The following ITCH variants were observed in gnomAD, a reference collection of about 807,000 sequenced individuals.
The protein encoded by ITCH is itchy E3 ubiquitin protein ligase, also known as E3 ubiquitin-protein ligase Itchy homolog.
Under a neutral mutation model 126.8 loss-of-function variants are expected in ITCH, and 28 were observed. The ratio of observed to expected loss-of-function variants is 0.22; its 90% confidence interval spans 0.16 to 0.30. ITCH has a LOEUF of 0.30. Among genes scored for constraint, ITCH ranks in the 10% least tolerant of loss-of-function variants. The probability of loss-of-function intolerance (pLI) is 1.00; values close to 1 mark genes in which losing one functional copy is unlikely to be tolerated. For missense variants in ITCH, 631 were observed against 1,032.4 expected (o/e 0.61, Z 5.33); for synonymous variants, 342 against 340.0 (o/e 1.01, Z -0.06).
intron 14 of ITCH, among the ~76,000 whole-genome samples, chr20:34,466,959 A>G (rs1254066430): frequency 1.3e-5 from 2 of 152,194 alleles, no homozygotes; most frequent in African/African-American, 4.8e-5. Flanking sequence ...TGAAGTGGAA[A>G]AGAAACAATG....
intron 2 of ITCH, among the ~76,000 whole-genome samples, chr20:34,387,238 G>C (rs1369482374): frequency 6.6e-6 from 1 of 151,892 alleles, no homozygotes; most frequent in Non-Finnish European, 1.5e-5. Flanking sequence ...AGGAAGCAGA[G>C]GTTGCAGCGA....
intron 3 of ITCH, among the ~76,000 whole-genome samples, chr20:34,400,072 G>T (rs936671567): frequency 1.3e-5 from 2 of 151,988 alleles, no homozygotes; most frequent in Admixed American, 6.6e-5. Context: ...CTGAGTAGCT[G>T]GGATTACAGA....
At chr20:34,424,255 G>A (rs995590089) in intron 6 of ITCH, among the ~76,000 whole-genome samples, 9 of 152,092 alleles carry the variant, frequency 5.9e-5, no homozygotes, top group East Asian at 5.8e-4. Flanking sequence ...TTAACATCCC[G>A]TATCCATTAA....
chr20:34,385,783 T>C (rs2038261859), intron 2 of ITCH, among the ~76,000 whole-genome samples: 1 of 152,154 alleles, frequency 6.6e-6, no homozygotes, highest in East Asian at 1.9e-4. Context: ...CTGATGTATT[T>C]GGTTGGAAAG....
intron 17 of ITCH, among the ~76,000 whole-genome samples, chr20:34,478,154 A>G (rs1205505518): frequency 6.6e-6 from 1 of 152,238 alleles, no homozygotes; most frequent in Non-Finnish European, 1.5e-5. Flanking sequence ...CCTAAGGCAC[A>G]TAATAAATTG....
rs115723041 is a variant in ITCH at position 34,444,389 on chromosome 20, G to A, written c.966-898G>A. ...ACCTGAGGTCGGGAGTTCGAGGGCCGCCTGACCAACATGGAGAAACCCTGT... is the reference window on the plus strand; with the variant it reads ...ACCTGAGGTCGGGAGTTCGAGGGCCACCTGACCAACATGGAGAAACCCTGT... On this transcript the variant is annotated intron_variant, in intron 10 of 24. Transcript: ENST00000374864. 7.2e-3 allele frequency among the ~76,000 whole-genome samples: 1,097 copies of A among 152,214 alleles called. 14 individuals carry two copies. The highest frequency in any genetic ancestry group is 0.025 in the African/African-American group (1,039 of 41,516).
chr20:34,457,548 A>C, intron 13 of ITCH, 74 bp downstream of exon 13: 3 of 1,045,222 alleles, frequency 2.9e-6, no homozygotes, highest in South Asian at 1.3e-5. Context: ...AGAAGATCAA[A>C]GTTCATATTC....
At position 34,479,836 on chromosome 20, in the gene ITCH, C is replaced by G. The variant is rs771933881; in HGVS notation, c.1818+47C>G. 11 of 1,539,984 alleles carry G rather than the reference C, an allele frequency of 7.1e-6. No individual in the cohort carries two copies. The South Asian group carries it at 1.2e-4, about 17-fold the overall frequency. On this transcript the variant is annotated intron_variant, in intron 18 of 24. Transcript: ENST00000374864. ...TGTTTACTTTGCTTATTCAGCAATA[C>G]TAAATTTTCTCTTAGGTGCCATAAC... is the stretch of plus-strand genomic sequence containing the variant.
At chr20:34,462,322 T>G (rs1969977132) in intron 14 of ITCH, 101 bp downstream of exon 14, 5 of 1,219,114 alleles carry the variant, frequency 4.1e-6, no homozygotes. Context: ...TAGTATTTCT[T>G]GAGTTAGCTT....
chr20:34,389,203 A>C (rs2038399594), intron 2 of ITCH, among the ~76,000 whole-genome samples: 1 of 152,056 alleles, frequency 6.6e-6, no homozygotes, highest in African/African-American at 2.4e-5. Flanking sequence ...AATTAAATAG[A>C]AATGAAGTCT....
At chr20:34,504,195 TAGTA>T in intron 23 of ITCH, 132 bp from the exon 24 acceptor site, 1 of 719,068 alleles carries the variant, frequency 1.4e-6, no homozygotes, top group Non-Finnish European at 2.5e-6. Flanking sequence ...GTTTCTGAAT[TAGTA>T]AGATGATGTG....
At chr20:34,439,078 T>A (rs1983404912) in intron 8 of ITCH, among the ~76,000 whole-genome samples, 1 of 152,220 alleles carries the variant, frequency 6.6e-6, no homozygotes, top group Admixed American at 6.5e-5. Context: ...TTTTAGGTAG[T>A]AAAAATGTGA....
intron 1 of ITCH, among the ~76,000 whole-genome samples, chr20:34,368,287 A>T (rs1384169231): frequency 6.6e-6 from 1 of 152,058 alleles, no homozygotes; most frequent in Non-Finnish European, 1.5e-5. Flanking sequence ...AAAAAAAAAA[A>T]AATTCGTGTT....
At position 34,385,215 on chromosome 20, in the gene ITCH, GT is replaced by G. The variant is rs2038232815; in HGVS notation, c.-21-8575del. Among the ~76,000 whole-genome samples, 423 of 133,316 alleles carry G rather than the reference GT, an allele frequency of 3.2e-3. 3 individuals carry two copies. Among genetic ancestry groups the G allele is most frequent in the African/African-American group, 0.012 (378 of 30,654 alleles). The allele number at this position is 133,316 out of a possible 152,430, so 87.5% of individuals were successfully genotyped here. On this transcript the variant is annotated intron_variant, in intron 2 of 24. Transcript: ENST00000374864. ...TGTGTGTGTGTGTGTGTGTGTGTGT[GT>G]GTGTGGTTTTTTTTTTTTTTTTTTT...
intron 16 of ITCH, chr20:34,476,144 C>A: frequency 2.4e-6 from 2 of 828,406 alleles, no homozygotes; most frequent in Non-Finnish European, 4.3e-6. Flanking sequence ...GTTAAACAAG[C>A]CAGAGTTCCC....
At chr20:34,434,482 A>G (rs1016302463) in intron 7 of ITCH, among the ~76,000 whole-genome samples, 2 of 152,242 alleles carry the variant, frequency 1.3e-5, no homozygotes, top group Non-Finnish European at 2.9e-5. Context: ...AAAGGAATAT[A>G]ATGAAGATGC....
At chr20:34,443,123 A>G (rs1394788493) in intron 10 of ITCH, among the ~76,000 whole-genome samples, 1 of 152,170 alleles carries the variant, frequency 6.6e-6, no homozygotes, top group Non-Finnish European at 1.5e-5. Flanking sequence ...TGAAGTTCTT[A>G]TTATATTTAA....
intron 7 of ITCH, among the ~76,000 whole-genome samples, chr20:34,433,878 A>G (rs1459021152): frequency 6.6e-6 from 1 of 152,142 alleles, no homozygotes; most frequent in East Asian, 1.9e-4. Flanking sequence ...CTGACAAGAG[A>G]TAGTCCTATG....
chr20:34,393,716 G>A (rs1210460447), intron 2 of ITCH, 75 bp from the exon 3 acceptor site: 4 of 875,828 alleles, frequency 4.6e-6, no homozygotes, highest in Admixed American at 1.7e-5. Context: ...GTAATAAATA[G>A]CCAGGTTAGC....
Sources: allele counts gnomAD v4.1 joint callset (sites outside exome capture counted in the v4.1 genomes callset), GRCh38; gene constraint gnomAD v4.1.1; transcripts MANE v1.5; gene names NCBI Gene and HGNC (gene_info 2026-07-23, HGNC 2026-07-21).